C15orf40: variants seen among roughly 807,000 people sequenced by gnomAD.
C15orf40 encodes UPF0235 protein C15orf40.
In C15orf40, 9 loss-of-function variants were observed where a neutral mutation model predicts 13.9. The ratio of observed to expected loss-of-function variants is 0.65; its 90% CI spans 0.39 to 1.13. The LOEUF (loss-of-function observed/expected upper bound fraction) is 1.13. Among genes scored for constraint, C15orf40 ranks in the 50% most tolerant of loss-of-function variants. The pLI, the probability that C15orf40 is intolerant of heterozygous loss-of-function variation, is 0.01. For missense variants in C15orf40, 225 were observed against 188.5 expected, an observed-to-expected ratio of 1.19 and a Z score of -1.13; for synonymous variants, 95 against 69.2, an observed-to-expected ratio of 1.37 and a Z score of -1.85.
downstream of C15orf40, among the ~76,000 whole-genome samples, chr15:82,992,370 G>A (rs1314946765): frequency 1.3e-5 from 2 of 152,072 alleles, no homozygotes; most frequent in Non-Finnish European, 2.9e-5. Flanking sequence ...ACGAAAATTA[G>A]CCAGGCATGG....
In C15orf40 at chr15:82,996,879, A is replaced by T. The variant is rs540984933; in HGVS notation, c.*8718T>A. ...CAACAAGAAAAAAATTTAGCCAGGC[A>T]TGGTGGCTCAGGCCTGTAATCCCAG... On this transcript the variant is annotated 3_prime_UTR_variant, in exon 4 of 4. Transcript: ENST00000304177. 3.3e-5 allele frequency: 5 copies of T among 150,306 alleles called. No homozygotes were observed. Among genetic ancestry groups the T allele is most frequent in the African/African-American group, 1.2e-4 (5 of 41,154 alleles). The allele number at this position is 150,306 out of a possible 1,614,324, so 9.3% of individuals were successfully genotyped here.
downstream of C15orf40, chr15:82,990,757 A>G (rs2030824225): frequency 4.1e-6 from 4 of 985,012 alleles, no homozygotes; most frequent in Non-Finnish European, 4.7e-6. Flanking sequence ...GCTTTTTGCT[A>G]ACAACATAGC....
At chr15:83,008,759 AT>A in intron 2 of C15orf40, 84 bp from the exon 3 acceptor site, 1 of 1,430,618 alleles carries the variant, frequency 7.0e-7, no homozygotes, top group Non-Finnish European at 9.3e-7. Context: ...GAGTTTTTGC[AT>A]TTGCCTGGCA....
In C15orf40 at chr15:83,003,120, C is replaced by T. The variant is rs1056388578; in HGVS notation, c.*2477G>A. On this transcript the variant is annotated 3_prime_UTR_variant, in exon 4 of 4. Transcript: ENST00000304177. ...CCAACACGCCTGACCAAAAGTTGAT[C>T]CTTTTTTTTTTTTTTTTTTTTTGAG... The T allele has an allele frequency of 8.5e-5, 12 of 141,028 alleles. No homozygotes were observed. Among genetic ancestry groups the T allele is most frequent in the African/African-American group, 2.9e-4 (11 of 37,410 alleles). 8.7% of individuals were successfully genotyped at this position (141,028 alleles called of 1,614,324 possible).
chr15:82,994,092 G>T (rs745392321), downstream of C15orf40, among the ~76,000 whole-genome samples: 2 of 152,072 alleles, frequency 1.3e-5, no homozygotes, highest in Non-Finnish European at 2.9e-5. Flanking sequence ...TTTCTAGCAT[G>T]GTTTTTGTTT....
downstream of C15orf40, chr15:82,989,048 G>A (rs61738562): frequency 6.2e-7 from 1 of 1,613,276 alleles, no homozygotes; most frequent in Non-Finnish European, 8.5e-7. Flanking sequence ...CTGTTCCAAA[G>A]TTTGAAGAGA....
At chr15:82,990,839 C>T, downstream of C15orf40, 2 of 507,508 alleles carry the variant, frequency 3.9e-6, no homozygotes, top group Admixed American at 6.7e-5. Flanking sequence ...AATAATGCTG[C>T]ATTTTGATGG....
downstream of C15orf40, chr15:82,990,543 C>CTTT (rs397854504): frequency 3.0e-3 from 2,068 of 686,578 alleles, 2 homozygotes; most frequent in South Asian, 8.2e-3. Context: ...AAAACAATTG[C>CTTT]TTTTTTTTTT....
intron 1 of C15orf40, chr15:83,011,075 T>C (rs983425590): frequency 2.5e-5 from 4 of 162,168 alleles, no homozygotes; most frequent in African/African-American, 7.2e-5. Flanking sequence ...CAAACAAAGA[T>C]GGTGGAAATG....
Position 83,004,793 on chromosome 15 carries a change from A to G in C15orf40, c.*804T>C, listed in dbSNP as rs139652102. ...ATCTAAGGTAAGACTACAAAGCAGC[A>G]TAACAGGTTTTCTGTCACTTGTAAA... is the stretch of plus-strand genomic sequence containing the variant. On this transcript the variant is annotated 3_prime_UTR_variant, in exon 4 of 4. Transcript: ENST00000304177. 7 of 1,172,830 alleles carry G rather than the reference A, an allele frequency of 6.0e-6. No homozygotes were observed. Among genetic ancestry groups the G allele is most frequent in the Non-Finnish European group, 7.6e-6 (7 of 917,474 alleles). 72.7% of individuals were successfully genotyped at this position (1,172,830 alleles called of 1,614,324 possible).
At chr15:82,990,744 A>C, downstream of C15orf40, 1 of 1,142,498 alleles carries the variant, frequency 8.8e-7, no homozygotes, top group Non-Finnish European at 1.3e-6. Context: ...TACAAACACT[A>C]AAGCTTTTTG....
At position 83,003,169 on chromosome 15, in the gene C15orf40, AG is replaced by A. The variant is rs1354886493; in HGVS notation, c.*2427del. ...AGATGGAGTTTCGCTCCTTTTGCCC[AG>A]GCTAGAGTGCAATGGCACGATCTCA... On this transcript the variant is annotated 3_prime_UTR_variant, in exon 4 of 4. Coordinates refer to ENST00000304177, the MANE Select transcript of C15orf40 (RefSeq NM_144597.3). 3 of 113,458 alleles carry A rather than the reference AG, an allele frequency of 2.6e-5. No homozygotes were observed. Among genetic ancestry groups the A allele is most frequent in the Non-Finnish European group, 5.0e-5 (3 of 59,456 alleles). 7.0% of individuals were successfully genotyped at this position (113,458 alleles called of 1,614,324 possible).
At chr15:83,008,890 A>G (rs2031846329) in intron 2 of C15orf40, among the ~76,000 whole-genome samples, 1 of 152,230 alleles carries the variant, frequency 6.6e-6, no homozygotes, top group Non-Finnish European at 1.5e-5. Flanking sequence ...CCAGAGAAGA[A>G]AAGTTATTGA....
downstream of C15orf40, chr15:82,990,814 C>G (rs2030827852): frequency 1.8e-6 from 1 of 546,262 alleles, no homozygotes. Context: ...ACTGTTCACA[C>G]TTTTTAATCC....
downstream of C15orf40, among the ~76,000 whole-genome samples, chr15:82,994,300 T>C (rs2030967127): frequency 6.6e-6 from 1 of 152,188 alleles, no homozygotes; most frequent in African/African-American, 2.4e-5. Flanking sequence ...TTTTGAACTC[T>C]CATAAAAGAA....
At chr15:82,994,299 CTCATA>C (rs2030967239), downstream of C15orf40, among the ~76,000 whole-genome samples, 1 of 152,136 alleles carries the variant, frequency 6.6e-6, no homozygotes, top group Non-Finnish European at 1.5e-5. Flanking sequence ...ATTTTGAACT[CTCATA>C]AAAGAACTCT....
downstream of C15orf40, among the ~76,000 whole-genome samples, chr15:82,991,661 C>T (rs1596397039): frequency 6.6e-6 from 1 of 152,196 alleles, no homozygotes; most frequent in East Asian, 1.9e-4. Flanking sequence ...ATCTACCTCT[C>T]CCTTTTATTC....
At chr15:83,005,774 G>A (rs2031646278) in intron 3 of C15orf40, 82 bp from the exon 4 acceptor site, 2 of 1,483,632 alleles carry the variant, frequency 1.3e-6, no homozygotes, top group Admixed American at 2.3e-5. Context: ...GTTGTATAAT[G>A]GGCTCTCCTG....
Position 83,001,350 on chromosome 15 carries a change from G to A in C15orf40, c.*4247C>T, listed in dbSNP as rs1209474935. On this transcript the variant is annotated 3_prime_UTR_variant, in exon 4 of 4. Coordinates refer to ENST00000304177, the MANE Select transcript of C15orf40 (RefSeq NM_144597.3). ...AGTTAATAAGTGATTAATACATCAT[G>A]TTTGCACAAGTAATTATCATTTATT... 2 of 937,188 alleles carry A rather than the reference G, an allele frequency of 2.1e-6. No homozygotes were observed. The highest frequency in any genetic ancestry group is 2.5e-6 in the Non-Finnish European group (2 of 786,132). 58.1% of individuals were successfully genotyped at this position (937,188 alleles called of 1,614,324 possible).
Sources: allele counts gnomAD v4.1 joint callset (sites outside exome capture counted in the v4.1 genomes callset), GRCh38; gene constraint gnomAD v4.1.1; transcripts MANE v1.5; gene names NCBI Gene and HGNC (gene_info 2026-07-23, HGNC 2026-07-21).